Variants in SSBP3 observed in about 807,000 individuals in gnomAD.
SSBP3 encodes the protein single-stranded DNA-binding protein 3.
SSBP3 carries 5 observed loss-of-function variants against 69.6 expected under a neutral mutation model. The ratio of observed to expected loss-of-function variants is 0.07; its 90% CI spans 0.04 to 0.15. The LOEUF is 0.15. Ranked by LOEUF, SSBP3 falls within the 10% of genes least tolerant of loss-of-function variation. SSBP3 has a pLI of 1.00. For missense variants in SSBP3, 312 were observed against 534.0 expected (o/e 0.58, Z 4.10); for synonymous variants, 196 against 193.4 (o/e 1.01, Z -0.11).
chr1:54,284,916 G>T (rs1309100739), intron 4 of SSBP3, among the ~76,000 whole-genome samples: 1 of 152,200 alleles, frequency 6.6e-6, no homozygotes, highest in Admixed American at 6.5e-5. Flanking sequence ...ACAGTTCTTT[G>T]AATGCAACGG....
chr1:54,229,543 G>GCTC (rs1557436195), intron 14 of SSBP3, among the ~76,000 whole-genome samples: 37 of 152,280 alleles, frequency 2.4e-4, no homozygotes, highest in African/African-American at 8.7e-4. Flanking sequence ...CTCCCATGCA[G>GCTC]AACTGTTGGT....
intron 4 of SSBP3, among the ~76,000 whole-genome samples, chr1:54,335,516 G>A (rs1646493263): frequency 6.6e-6 from 1 of 152,232 alleles, no homozygotes; most frequent in African/African-American, 2.4e-5. Context: ...AGAGACAGCA[G>A]GAGACAGAGG....
At chr1:54,297,761 T>C (rs944954760) in intron 4 of SSBP3, among the ~76,000 whole-genome samples, 1 of 152,216 alleles carries the variant, frequency 6.6e-6, no homozygotes. Context: ...CTTGGCTGGC[T>C]GCCCCCAGAA....
chr1:54,228,523 A>G, intron 15 of SSBP3, 46 bp from the exon 16 acceptor site: 1 of 1,612,994 alleles, frequency 6.2e-7, no homozygotes, highest in Non-Finnish European at 8.5e-7. Flanking sequence ...TTGCTCTTCC[A>G]CGGAGGGGTC....
intron 4 of SSBP3, among the ~76,000 whole-genome samples, chr1:54,310,545 C>CT (rs748289206): frequency 3.9e-5 from 6 of 152,204 alleles, no homozygotes; most frequent in Non-Finnish European, 5.9e-5. Flanking sequence ...TTAAAAAGCA[C>CT]TACCTGCATT....
chr1:54,404,871 G>C (rs377139325), exon 2 of SSBP3: 1 of 1,611,332 alleles, frequency 6.2e-7, no homozygotes, highest in Admixed American at 1.7e-5. Context: ...CGATAAGAAG[G>C]TCTGTGCAGA....
chr1:54,240,087 TGCGCGCGC>T (rs56281276), intron 13 of SSBP3, among the ~76,000 whole-genome samples: 119 of 42,332 alleles, frequency 2.8e-3, no homozygotes, highest in African/African-American at 6.5e-3. Context: ...TGTGTGTGTG[TGCGCGCGC>T]GCGCGTGTGC....
At chr1:54,387,530 G>GA (rs1288991187) in intron 4 of SSBP3, among the ~76,000 whole-genome samples, 3 of 152,152 alleles carry the variant, frequency 2.0e-5, no homozygotes, top group African/African-American at 4.8e-5. Flanking sequence ...CAGAATTAGG[G>GA]AAAGAGGGGA....
intron 4 of SSBP3, among the ~76,000 whole-genome samples, chr1:54,347,661 T>C (rs111582610): frequency 1.6e-3 from 238 of 152,324 alleles, no homozygotes; most frequent in African/African-American, 5.4e-3. Flanking sequence ...CCTGATGCAA[T>C]GACTGGTATC....
At chr1:54,271,293 T>C (rs1207377486) in intron 5 of SSBP3, among the ~76,000 whole-genome samples, 1 of 152,104 alleles carries the variant, frequency 6.6e-6, no homozygotes, top group East Asian at 1.9e-4. Flanking sequence ...TAATTTTTCT[T>C]TTGTAGAGAC....
At chr1:54,232,587 C>T (rs1046571112) in intron 14 of SSBP3, among the ~76,000 whole-genome samples, 2 of 152,142 alleles carry the variant, frequency 1.3e-5, no homozygotes, top group South Asian at 2.1e-4. Flanking sequence ...AAATTAGGGG[C>T]CCTCTCCCTC....
chr1:54,306,116 C>T (rs1645896688), intron 4 of SSBP3, among the ~76,000 whole-genome samples: 1 of 151,962 alleles, frequency 6.6e-6, no homozygotes, highest in Admixed American at 6.6e-5. Context: ...CTCCTGGGTT[C>T]ATTTCTTATT....
At chr1:54,263,395 CCGGT>C (rs1645048554) in intron 5 of SSBP3, among the ~76,000 whole-genome samples, 1 of 152,200 alleles carries the variant, frequency 6.6e-6, no homozygotes. Context: ...CCCAGCTCCT[CCGGT>C]TCATTCGGAG....
rs551216841 is a variant in SSBP3 at position 54,319,812 on chromosome 1, A to T, written c.277-38285T>A. On this transcript the variant is annotated intron_variant, in intron 4 of 17. Coordinates refer to ENST00000610401, the Ensembl canonical transcript of SSBP3. ...GCAGCTAAGACATGGTATTTCCAGA[A>T]AATTTGTATTATTCTTTTGTTGGCC... Among the ~76,000 whole-genome samples the T allele has an allele frequency of 2.0e-5, 3 of 152,316 alleles. No individual in the cohort carries two copies. In the East Asian group the frequency reaches 5.8e-4, roughly 29 times the overall value.
At chr1:54,336,980 A>G (rs558025379) in intron 4 of SSBP3, among the ~76,000 whole-genome samples, 3 of 152,354 alleles carry the variant, frequency 2.0e-5, no homozygotes, top group Admixed American at 2.0e-4. Context: ...GGAGGAATGC[A>G]CACAGAGGTG....
intron 9 of SSBP3, among the ~76,000 whole-genome samples, chr1:54,247,297 A>C (rs1644750974): frequency 6.6e-6 from 1 of 152,180 alleles, no homozygotes; most frequent in African/African-American, 2.4e-5. Context: ...GGGAATACAC[A>C]CAGTGCTGTA....
At chr1:54,398,225 C>G (rs1649033748) in intron 4 of SSBP3, among the ~76,000 whole-genome samples, 1 of 152,120 alleles carries the variant, frequency 6.6e-6, no homozygotes, top group South Asian at 2.1e-4. Flanking sequence ...GTAACAAAAC[C>G]CAACCGACGA....
intron 4 of SSBP3, among the ~76,000 whole-genome samples, chr1:54,292,421 T>C (rs1436581554): frequency 6.6e-6 from 1 of 152,084 alleles, no homozygotes; most frequent in African/African-American, 2.4e-5. Flanking sequence ...ACAGGGTGGG[T>C]GAGCCCCCAA....
intron 9 of SSBP3, among the ~76,000 whole-genome samples, 161 bp downstream of exon 9, chr1:54,251,455 C>A (rs562199834): frequency 5.3e-5 from 8 of 152,246 alleles, no homozygotes; most frequent in Non-Finnish European, 1.0e-4. Context: ...GTGAAGCCAG[C>A]CTGCCACAGG....
Sources: gnomAD v4.1 joint callset for allele counts (sites outside exome capture counted in the v4.1 genomes callset) on GRCh38, gnomAD v4.1.1 for gene constraint, MANE v1.5 for transcripts, NCBI Gene and HGNC (gene_info 2026-07-23, HGNC 2026-07-21) for gene names.